Variants in PDZD2 observed in about 807,000 individuals in gnomAD.
PDZD2 encodes the protein PDZ domain-containing protein 2.
In PDZD2, 90 loss-of-function variants were observed where a neutral mutation model predicts 220.7. The observed-to-expected ratio is 0.41, with a 90% CI of 0.34 to 0.49. The LOEUF (loss-of-function observed/expected upper bound fraction) is 0.49. Ranked by LOEUF, PDZD2 falls within the 20% of genes least tolerant of loss-of-function variation. The pLI is 0.28. For missense variants in PDZD2, 3,174 were observed against 3,608.5 expected, an observed-to-expected ratio of 0.88 and a Z score of 3.08; for synonymous variants, 1,375 against 1,450.5, an observed-to-expected ratio of 0.95 and a Z score of 1.18.
At chr5:31,890,704 C>T (rs1315657006) in intron 2 of PDZD2, among the ~76,000 whole-genome samples, 2 of 152,174 alleles carry the variant, frequency 1.3e-5, no homozygotes, top group Non-Finnish European at 2.9e-5. Flanking sequence ...TTAAATCAAA[C>T]AGGCTTAATG....
At chr5:31,922,015 TA>T (rs1417512841) in intron 2 of PDZD2, among the ~76,000 whole-genome samples, 3 of 152,188 alleles carry the variant, frequency 2.0e-5, no homozygotes, top group Non-Finnish European at 4.4e-5. Context: ...CAAACTGTTT[TA>T]GATAGAGTTT....
At chr5:31,832,594 T>TCA (rs1756675786) in intron 2 of PDZD2, 1 of 152,158 alleles carries the variant, frequency 6.6e-6, no homozygotes, top group South Asian at 2.1e-4. Context: ...GGCAGGCAGA[T>TCA]CACCTGAGGT....
rs779360450 is a variant in PDZD2 at position 32,090,633 on chromosome 5, C to T, written c.7185C>T (p.Arg2395=). Residue 2395 remains arginine, a synonymous_variant, in exon 20 of 25, where the codon CGC becomes CGT. Transcript: ENST00000438447. This position sits in a 1 kb window ranked among gnomAD's most constrained non-coding sequence, Gnocchi z 4.3. ...PGDAAARLLR[R]SLSSCSENQS... ...ACGCAGCAGCAAGGTTGTTGAGACG[C>T]AGCTTGAGTTCCTGCAGCGAAAACC... 2 of 1,614,004 alleles carry T rather than the reference C, an allele frequency of 1.2e-6. No homozygotes were observed. Among genetic ancestry groups the T allele is most frequent in the Admixed American group, 1.7e-5 (1 of 60,004 alleles).
At chr5:31,930,049 T>A (rs925702960) in intron 2 of PDZD2, among the ~76,000 whole-genome samples, 17 of 152,174 alleles carry the variant, frequency 1.1e-4, no homozygotes, top group Admixed American at 4.6e-4. Flanking sequence ...CTGCTTCTGC[T>A]CCCTTTTTGC....
intron 6 of PDZD2, among the ~76,000 whole-genome samples, chr5:32,012,803 T>A (rs562264018): frequency 8.4e-4 from 128 of 151,988 alleles, no homozygotes; most frequent in African/African-American, 3.1e-3. Context: ...CTATTACATA[T>A]ATTAAATATA....
chr5:31,902,028 A>T (rs1369110955), intron 2 of PDZD2, among the ~76,000 whole-genome samples: 1 of 152,244 alleles, frequency 6.6e-6, no homozygotes, highest in African/African-American at 2.4e-5. Flanking sequence ...GGCTATCGTA[A>T]ATAATACTGC....
chr5:32,002,592 ACACACACACAC>A lies in PDZD2; in HGVS notation c.1254+2335_1254+2345del, dbSNP rs1365746731. 1.2e-4 allele frequency among the ~76,000 whole-genome samples: 18 copies of A among 147,604 alleles called. No homozygotes were observed. In the East Asian group the frequency reaches 3.0e-3, roughly 25 times the overall value. On this transcript the variant is annotated intron_variant, in intron 5 of 24. Coordinates refer to ENST00000438447, the MANE Select transcript of PDZD2 (RefSeq NM_178140.4). ...TACACACACACACCTCACACATACC[ACACACACACAC>A]CACACACACACCAACACACACCAAC...
chr5:32,087,855 C>T lies in PDZD2; in HGVS notation c.4407C>T (p.Ser1469=), dbSNP rs368999823. 36 of 1,611,628 alleles carry T rather than the reference C, an allele frequency of 2.2e-5. No individual in the cohort carries two copies. Among genetic ancestry groups the T allele is most frequent in the Non-Finnish European group, 3.0e-5 (35 of 1,179,150 alleles). ...CAGCCGGGGCTGGAGGTGGGAGCTC[C>T]TGCCGTGCCGAACCAGTCCCGGGGG... ...HPPAGAGGGS[S]CRAEPVPGGQ... The change falls in exon 20 of 25, where the codon TCC becomes TCT. Residue 1469 remains serine, a synonymous_variant. Transcript: ENST00000438447. This position sits in a 1 kb window ranked among gnomAD's most constrained non-coding sequence, Gnocchi z 4.0.
At chr5:31,749,736 G>A (rs1750824699) in intron 1 of PDZD2, among the ~76,000 whole-genome samples, 1 of 152,076 alleles carries the variant, frequency 6.6e-6, no homozygotes. Flanking sequence ...CGGTGTGATT[G>A]TACTGTCTTC....
At chr5:31,808,584 G>C (rs1313732215) in intron 2 of PDZD2, among the ~76,000 whole-genome samples, 2 of 152,192 alleles carry the variant, frequency 1.3e-5, no homozygotes, top group Non-Finnish European at 2.9e-5. Context: ...GCTTCAGGAG[G>C]TGGTTTCCTG....
intron 1 of PDZD2, among the ~76,000 whole-genome samples, chr5:31,659,720 T>A (rs1745689577): frequency 6.6e-6 from 1 of 152,248 alleles, no homozygotes; most frequent in Non-Finnish European, 1.5e-5. Context: ...GCATTGAAGT[T>A]AAGGGAAAGA....
intron 1 of PDZD2, among the ~76,000 whole-genome samples, chr5:31,766,076 G>C (rs999817706): frequency 6.6e-6 from 1 of 152,042 alleles, no homozygotes; most frequent in South Asian, 2.1e-4. Flanking sequence ...GCTACTCAGG[G>C]GGCTGGGGTG....
At chr5:31,935,166 G>A (rs939635732) in intron 2 of PDZD2, among the ~76,000 whole-genome samples, 1 of 151,896 alleles carries the variant, frequency 6.6e-6, no homozygotes, top group African/African-American at 2.4e-5. Flanking sequence ...TTCCTTACAA[G>A]TATAGCTAAC....
intron 1 of PDZD2, among the ~76,000 whole-genome samples, chr5:31,642,781 G>T (rs1314139612): frequency 6.6e-6 from 1 of 152,198 alleles, no homozygotes; most frequent in Admixed American, 6.5e-5. Flanking sequence ...GGTTGGTGAG[G>T]CCCTGGAGAG....
intron 2 of PDZD2, among the ~76,000 whole-genome samples, chr5:31,931,364 G>A (rs1745281725): frequency 6.6e-6 from 1 of 152,150 alleles, no homozygotes; most frequent in African/African-American, 2.4e-5. Flanking sequence ...CACCATGTTG[G>A]CCAGACTGGT....
intron 2 of PDZD2, among the ~76,000 whole-genome samples, chr5:31,981,418 T>C (rs1340547597): frequency 2.0e-5 from 3 of 152,210 alleles, no homozygotes; most frequent in Non-Finnish European, 4.4e-5. Flanking sequence ...TGGTCACCTC[T>C]CCTTCCCGCT....
intron 2 of PDZD2, among the ~76,000 whole-genome samples, chr5:31,892,438 GCAC>G (rs1306439805): frequency 1.3e-5 from 2 of 152,226 alleles, no homozygotes; most frequent in African/African-American, 4.8e-5. Context: ...GTGAAGGAGA[GCAC>G]TGATAATTAG....
intron 1 of PDZD2, among the ~76,000 whole-genome samples, chr5:31,672,838 G>A (rs192636900): frequency 5.4e-4 from 82 of 152,292 alleles, no homozygotes; most frequent in Non-Finnish European, 9.6e-4. Context: ...AGGGCCTAAG[G>A]CATATGGGGT....
intron 1 of PDZD2, among the ~76,000 whole-genome samples, chr5:31,751,792 G>T (rs1045178998): frequency 2.6e-5 from 4 of 152,114 alleles, no homozygotes; most frequent in African/African-American, 4.8e-5. Flanking sequence ...AGATTTTTGT[G>T]AGGGTGGCCT....
Sources: allele counts gnomAD v4.1 joint callset (sites outside exome capture counted in the v4.1 genomes callset), GRCh38; gene constraint gnomAD v4.1.1; non-coding constraint Gnocchi (gnomAD v3.1); transcripts MANE v1.5; gene names NCBI Gene and HGNC (gene_info 2026-07-23, HGNC 2026-07-21).